Variants in BCAN observed in about 807,000 individuals in gnomAD.
BCAN encodes the protein brevican, also known as brevican core protein.
In BCAN, 51 loss-of-function variants were observed where a neutral mutation model predicts 92.4. The ratio of observed to expected loss-of-function variants is 0.55; its 90% CI spans 0.44 to 0.70. The LOEUF (loss-of-function observed/expected upper bound fraction) is 0.70. BCAN is among the 30% of genes least tolerant of loss of function. The pLI is 0.00. For synonymous variants in BCAN, 501 were observed against 505.2 expected (o/e 0.99, Z 0.11); for missense variants, 1,140 against 1,212.1 (o/e 0.94, Z 0.88).
rs1571447628 is a variant in BCAN, at chr1:156,652,770, T to G, written c.1820T>G (p.Leu607Arg). 1.2e-6 allele frequency: 2 copies of G among 1,611,066 alleles called. No individual in the cohort carries two copies. The highest frequency in any genetic ancestry group is 8.5e-7 in the Non-Finnish European group (1 of 1,177,900). ...CGGGCCCCTGAGGGTACCAGGGAGC[T>G]GGAGGCCCCCTCTGAAGATAATTCT... ...ATRAPEGTRE[L>R]EAPSEDNSGR... Residue 607 changes from leucine (L) to arginine (R), a missense_variant, in exon 8 of 14, where the codon CTG (leucine) becomes CGG (arginine). Transcript: ENST00000329117.
intron 10 of BCAN, 192 bp downstream of exon 10, chr1:156,657,288 G>C (rs1679367439): frequency 4.6e-6 from 4 of 866,548 alleles, no homozygotes; most frequent in African/African-American, 3.4e-5. Flanking sequence ...GTGGCCTTCG[G>C]GAACGGAGAG....
chr1:156,647,031 G>A lies in BCAN; in HGVS notation c.322G>A (p.Val108Met), dbSNP rs755318164. 5 of 1,612,846 alleles carry A rather than the reference G, an allele frequency of 3.1e-6. No individual in the cohort carries two copies. Among genetic ancestry groups the A allele is most frequent in the Non-Finnish European group, 4.2e-6 (5 of 1,179,386 alleles). Residue 108 changes from valine to methionine, a missense_variant, in exon 3 of 14, where the codon GTG becomes ATG. Val to Met is a conservative substitution (Grantham distance 21, BLOSUM62 1). Coordinates refer to ENST00000329117, the MANE Select transcript of BCAN (RefSeq NM_021948.5). This position sits in a 1 kb window ranked among gnomAD's most constrained non-coding sequence, Gnocchi z 4.8. Reference sequence around the variant, plus strand: ...GGTGAACGAGGCCTACCGGTTCCGCGTGGCACTGCCTGCGTACCCAGCGTC... The same window carrying A: ...GGTGAACGAGGCCTACCGGTTCCGCATGGCACTGCCTGCGTACCCAGCGTC... ...VKVNEAYRFR[V>M]ALPAYPASLT...
In BCAN at chr1:156,651,579, C is replaced by T; in HGVS notation, c.1187C>T (p.Ala396Val). The T allele has an allele frequency of 6.2e-7, 1 of 1,613,952 alleles. No individual in the cohort carries two copies. Among genetic ancestry groups the T allele is most frequent in the Non-Finnish European group, 8.5e-7 (1 of 1,180,014 alleles). Reference protein sequence around the residue: ...TLEELQLPQEATESESRGAIY... With the variant: ...TLEELQLPQEVTESESRGAIY... ...GAGGAACTGCAGCTGCCTCAGGAAG[C>T]CACAGAGAGTGAATCCCGTGGGGCC... The change falls in exon 7 of 14, where the codon GCC (alanine) becomes GTC (valine). Residue 396 changes from alanine to valine, a missense_variant. Ala to Val is a moderately conservative substitution (Grantham distance 64). Transcript: ENST00000329117.
intron 2 of BCAN, 185 bp from the exon 3 acceptor site, chr1:156,646,616 G>A (rs1678973741): frequency 2.0e-6 from 2 of 982,176 alleles, no homozygotes; most frequent in Non-Finnish European, 1.4e-6. Flanking sequence ...GACCGTCGGG[G>A]TGGTCCTGGA....
rs1357040119 is a variant in BCAN at position 156,648,837 on chromosome 1, C to T, written c.1039C>T (p.Arg347Cys). The change falls in exon 6 of 14, where the codon CGC (arginine) becomes TGC (cysteine). Residue 347 changes from arginine to cysteine, a missense_variant. Arg to Cys is a radical substitution (Grantham distance 180). Coordinates refer to ENST00000329117, the MANE Select transcript of BCAN (RefSeq NM_021948.5). Reference protein sequence around the residue: ...NQTGFPNKHSRFNVYCFRDSA... With the variant: ...NQTGFPNKHSCFNVYCFRDSA... ...GACTGGCTTCCCCAATAAGCACAGC[C>T]GCTTCAACGTCTACTGCTTCCGAGG... 3.8e-6 allele frequency: 6 copies of T among 1,575,552 alleles called. No individual in the cohort carries two copies. The highest frequency in any genetic ancestry group is 1.7e-4 in the Middle Eastern group (1 of 5,918).
At chr1:156,643,983 T>C (rs6691807) in intron 1 of BCAN, 151,306 of 152,266 alleles carry the variant, frequency 0.99, 75,178 homozygotes, top group Middle Eastern at 1. Flanking sequence ...CCCTGGGTTC[T>C]GAGGCTGGTA....
intron 8 of BCAN, among the ~76,000 whole-genome samples, chr1:156,655,772 GGTAATCCTTCT>G: frequency 6.6e-6 from 1 of 152,218 alleles, no homozygotes; most frequent in South Asian, 2.1e-4. Flanking sequence ...CTGTTGCTGC[GGTAATCCTTCT>G]GTCCCCTCCT....
chr1:156,648,135 G>T, intron 5 of BCAN, 25 bp downstream of exon 5: 1 of 1,605,874 alleles, frequency 6.2e-7, no homozygotes, highest in South Asian at 1.1e-5. Flanking sequence ...GAGGTTCCCA[G>T]GGGACAATTT....
In BCAN at chr1:156,652,903, C is replaced by G. The variant is rs1205695861; in HGVS notation, c.1942+11C>G. On this transcript the variant is annotated intron_variant, in intron 8 of 13. Coordinates refer to ENST00000329117, the MANE Select transcript of BCAN (RefSeq NM_021948.5). ...TGGTCCCCGCATCAGGTAATTCTGCCCAAGGCTCAACTGCCCTCTCTATCC... is the reference window on the plus strand; with the variant it reads ...TGGTCCCCGCATCAGGTAATTCTGCGCAAGGCTCAACTGCCCTCTCTATCC... The G allele has an allele frequency of 6.2e-7, 1 of 1,613,072 alleles. No individual in the cohort carries two copies. Among genetic ancestry groups the G allele is most frequent in the African/African-American group, 1.3e-5 (1 of 74,908 alleles).
At chr1:156,656,091 G>A (rs1679314182) in intron 8 of BCAN, among the ~76,000 whole-genome samples, 191 bp from the exon 9 acceptor site, 1 of 152,162 alleles carries the variant, frequency 6.6e-6, no homozygotes, top group Admixed American at 6.5e-5. Flanking sequence ...AGCGGGAAGA[G>A]GAAAGAAACC....
chr1:156,646,004 C>T, intron 1 of BCAN, 43 bp from the exon 2 acceptor site: 2 of 1,552,648 alleles, frequency 1.3e-6, no homozygotes, highest in Non-Finnish European at 8.8e-7. Flanking sequence ...GAAGTCCATC[C>T]TGAAGTCTAA....
At chr1:156,657,789 G>A in intron 11 of BCAN, 32 bp downstream of exon 11, 2 of 1,581,548 alleles carry the variant, frequency 1.3e-6, no homozygotes, top group South Asian at 2.2e-5. Context: ...CCGCCGTCTA[G>A]CTCACTTCCT....
chr1:156,655,704 T>C (rs1353668207), intron 8 of BCAN, among the ~76,000 whole-genome samples: 1 of 152,092 alleles, frequency 6.6e-6, no homozygotes, highest in Non-Finnish European at 1.5e-5. Context: ...ATGGTTAGTA[T>C]TCACCTGGAC....
chr1:156,656,600 TGCAAA>T, intron 9 of BCAN: 1 of 482,704 alleles, frequency 2.1e-6, no homozygotes, highest in Non-Finnish European at 3.6e-6. Context: ...TTGAGACCAG[TGCAAA>T]GCATACTCCT....
chr1:156,656,446 A>T (rs997627652), intron 9 of BCAN, 57 bp downstream of exon 9: 19 of 1,233,210 alleles, frequency 1.5e-5, no homozygotes, highest in Non-Finnish European at 2.0e-5. Flanking sequence ...ACAACGTGCT[A>T]CTTCTGGAGG....
rs1679046610 is a variant in BCAN at position 156,648,103 on chromosome 1, C to G, written c.762C>G (p.Asp254Glu). The change falls in exon 5 of 14, where the codon GAC becomes GAG. Residue 254 changes from aspartate to glutamate, a missense_variant. By Grantham distance (45) the Asp-to-Glu change is conservative (BLOSUM62 2). This residue lies in a region of BCAN where 825 missense variants were observed against 871.8 expected (regional missense o/e 0.95). Coordinates refer to ENST00000329117, the MANE Select transcript of BCAN (RefSeq NM_021948.5). Reference protein sequence around the residue: ...DLYDVYCYAEDLNGELFLGDP... With the variant: ...DLYDVYCYAEELNGELFLGDP... ...ATGATGTGTACTGTTATGCTGAAGACCTAAATGGTGATTAGGAGTGAGAGG... is the reference window on the plus strand; with the variant it reads ...ATGATGTGTACTGTTATGCTGAAGAGCTAAATGGTGATTAGGAGTGAGAGG... The G allele has an allele frequency of 3.7e-6, 6 of 1,612,290 alleles. No homozygotes were observed. The highest frequency in any genetic ancestry group is 4.2e-6 in the Non-Finnish European group (5 of 1,178,552).
intron 8 of BCAN, chr1:156,653,172 T>A: frequency 7.2e-7 from 1 of 1,382,336 alleles, no homozygotes; most frequent in Non-Finnish European, 9.3e-7. Flanking sequence ...GTGGCTCACA[T>A]CTCGCCAGCC....
rs761210707 is a variant in BCAN at position 156,652,855 on chromosome 1, C to A, written c.1905C>A (p.Ser635Arg). 1.2e-6 allele frequency: 2 copies of A among 1,613,846 alleles called. No homozygotes were observed. Among genetic ancestry groups the A allele is most frequent in the Non-Finnish European group, 8.5e-7 (1 of 1,180,004 alleles). ...VQAQPVLPTD[S>R]ASRGGVAVVP... Reference sequence around the variant, plus strand: ...CCCAGCCAGTGCTGCCCACTGACAGCGCCAGCCGAGGTGGAGTGGCCGTGG... The same window carrying A: ...CCCAGCCAGTGCTGCCCACTGACAGAGCCAGCCGAGGTGGAGTGGCCGTGG... The change falls in exon 8 of 14, where the codon AGC (serine) becomes AGA (arginine). Residue 635 changes from serine to arginine, a missense_variant. Ser to Arg is a moderately radical substitution (Grantham distance 110). This residue lies in a region of BCAN where 825 missense variants were observed against 871.8 expected (regional missense o/e 0.95). Transcript: ENST00000329117.
Position 156,658,972 on chromosome 1 carries a change from C to G in BCAN, c.2629-55C>G. On this transcript the variant is annotated intron_variant, in intron 13 of 13. Coordinates refer to ENST00000329117, the MANE Select transcript of BCAN (RefSeq NM_021948.5). This position sits in a 1 kb window ranked among gnomAD's most constrained non-coding sequence, Gnocchi z 4.4. ...GAGCAAGAACATCAGAGGGCAGGCTCTGAGGAGAGGAGAAGGAAGAGCCAG... is the reference window on the plus strand; with the variant it reads ...GAGCAAGAACATCAGAGGGCAGGCTGTGAGGAGAGGAGAAGGAAGAGCCAG... 3 of 1,487,550 alleles carry G rather than the reference C, an allele frequency of 2.0e-6. No individual in the cohort carries two copies. Among genetic ancestry groups the G allele is most frequent in the Non-Finnish European group, 2.8e-6 (3 of 1,089,746 alleles). The allele number at this position is 1,487,550 out of a possible 1,614,324, so 92.1% of individuals were successfully genotyped here. A position where few individuals can be genotyped will look rare whatever the true frequency, so the allele number is the denominator to read the frequency against.
Sources: allele counts gnomAD v4.1 joint callset (sites outside exome capture counted in the v4.1 genomes callset), GRCh38; gene constraint gnomAD v4.1.1; regional missense constraint gnomAD v4.1.1; non-coding constraint Gnocchi (gnomAD v3.1); transcripts MANE v1.5; gene names NCBI Gene and HGNC (gene_info 2026-07-23, HGNC 2026-07-21).